The following CDK13 variants were observed in gnomAD, a reference collection of about 807,000 sequenced individuals.
The protein encoded by CDK13 is cyclin-dependent kinase 13.
A neutral mutation model predicts 137.6 loss-of-function variants in CDK13; 40 were observed. The observed-to-expected ratio is 0.29, with a 90% confidence interval of 0.23 to 0.38. The LOEUF (loss-of-function observed/expected upper bound fraction) is 0.38. Among genes scored for constraint, CDK13 ranks in the 10% least tolerant of loss-of-function variants. The pLI is 1.00. For missense variants in CDK13, 1,704 were observed against 1,951.8 expected (o/e 0.87, Z 2.39); for synonymous variants, 869 against 760.1 (o/e 1.14, Z -2.36).
intron 1 of CDK13, among the ~76,000 whole-genome samples, chr7:39,963,234 T>C (rs189345833): frequency 1.3e-3 from 194 of 152,322 alleles, no homozygotes; most frequent in African/African-American, 4.5e-3. Context: ...ATTTTCATGA[T>C]ATTGATTCTT....
chr7:40,073,079 A>G (rs1287442121), intron 9 of CDK13: 3 of 152,230 alleles, frequency 2.0e-5, no homozygotes, highest in Non-Finnish European at 2.9e-5. Flanking sequence ...ACCCAAAGGC[A>G]TCATTCTTCC....
chr7:39,953,841 CGTTA>C (rs1562694720), intron 1 of CDK13, among the ~76,000 whole-genome samples: 1 of 152,090 alleles, frequency 6.6e-6, no homozygotes, highest in African/African-American at 2.4e-5. Flanking sequence ...GTGGGAAGCA[CGTTA>C]GTTAGAGGCA....
intron 7 of CDK13, among the ~76,000 whole-genome samples, chr7:40,051,259 TTC>T (rs777086082): frequency 7.4e-5 from 11 of 148,922 alleles, no homozygotes; most frequent in Non-Finnish European, 1.3e-4. Context: ...CCTTTAAAAC[TTC>T]TCTTTTTTTT....
intron 2 of CDK13, among the ~76,000 whole-genome samples, chr7:39,995,133 G>C (rs1162090570): frequency 6.6e-6 from 1 of 152,040 alleles, no homozygotes; most frequent in East Asian, 1.9e-4. Context: ...GGGGTGTATA[G>C]AAGTGTTTTT....
rs5883719 is a variant in CDK13, at chr7:40,093,923, A to AT, written c.3689-194dup. Among the ~76,000 whole-genome samples the AT allele has an allele frequency of 1.4e-3, 188 of 130,402 alleles. 2 individuals are homozygous for AT. Among genetic ancestry groups the AT allele is most frequent in the African/African-American group, 4.5e-3 (148 of 33,188 alleles). 85.5% of individuals were successfully genotyped at this position (130,402 alleles called of 152,430 possible). A position where few individuals can be genotyped will look rare whatever the true frequency, so the allele number is the denominator to read the frequency against. ...CGTGTCACCAAAAAAAAAAAAAAAA[A>AT]TTTTTTTTTTTTTAAAGAGAAGCCA... On this transcript the variant is annotated intron_variant, in intron 13 of 13. Coordinates refer to ENST00000181839, the MANE Select transcript of CDK13 (RefSeq NM_003718.5).
At chr7:39,963,062 C>T (rs181387362) in intron 1 of CDK13, among the ~76,000 whole-genome samples, 15 of 152,290 alleles carry the variant, frequency 9.8e-5, no homozygotes, top group African/African-American at 3.6e-4. Flanking sequence ...TAGCGTGATG[C>T]CTCCAGCTTT....
intron 2 of CDK13, among the ~76,000 whole-genome samples, chr7:39,990,141 CTCT>C (rs2116278679): frequency 6.6e-6 from 1 of 152,180 alleles, no homozygotes; most frequent in South Asian, 2.1e-4. Flanking sequence ...TTTTCAAGAA[CTCT>C]TACGTATACA....
chr7:40,021,750 T>C (rs919678264), intron 5 of CDK13, among the ~76,000 whole-genome samples: 7 of 151,764 alleles, frequency 4.6e-5, no homozygotes, highest in African/African-American at 1.2e-4. Context: ...CTATGAAGGA[T>C]AGAGAAGGAA....
chr7:40,037,176 C>A (rs1223231240), intron 5 of CDK13, among the ~76,000 whole-genome samples: 1 of 152,098 alleles, frequency 6.6e-6, no homozygotes, highest in African/African-American at 2.4e-5. Context: ...AAATTCAATT[C>A]TTTGGCAGTT....
At chr7:39,988,791 T>C (rs1784394892) in intron 2 of CDK13, among the ~76,000 whole-genome samples, 2 of 151,976 alleles carry the variant, frequency 1.3e-5, no homozygotes, top group African/African-American at 4.8e-5. Flanking sequence ...TATAGAAAAC[T>C]CATAATGTGG....
chr7:40,066,951 A>G (rs1221497585), intron 9 of CDK13: 1 of 145,980 alleles, frequency 6.9e-6, no homozygotes, highest in Non-Finnish European at 1.5e-5. Context: ...CTTCTAACCC[A>G]TTTTTTTTTT....
intron 5 of CDK13, among the ~76,000 whole-genome samples, chr7:40,003,822 A>G (rs749475163): frequency 7.2e-5 from 11 of 152,160 alleles, no homozygotes; most frequent in Non-Finnish European, 1.3e-4. Context: ...TCATTCACAC[A>G]TGCACGCATG....
intron 5 of CDK13, among the ~76,000 whole-genome samples, chr7:40,039,350 C>T (rs1242284326): frequency 1.3e-5 from 2 of 151,838 alleles, no homozygotes; most frequent in East Asian, 3.9e-4. Context: ...CTCACTGCAA[C>T]CTCCGCCTCC....
intron 5 of CDK13, among the ~76,000 whole-genome samples, chr7:40,032,271 A>G (rs1785396820): frequency 6.6e-6 from 1 of 152,146 alleles, no homozygotes; most frequent in African/African-American, 2.4e-5. Context: ...GGGTTTTGCC[A>G]CGTTGCCCAG....
At chr7:40,036,968 C>A (rs1277168037) in intron 5 of CDK13, among the ~76,000 whole-genome samples, 1 of 152,124 alleles carries the variant, frequency 6.6e-6, no homozygotes, top group Non-Finnish European at 1.5e-5. Flanking sequence ...GCATGTTATT[C>A]ATATTAATTA....
Position 39,987,991 on chromosome 7 carries a change from A to G in CDK13, c.1604A>G (p.Asp535Gly). 1 of 1,614,126 alleles carries G rather than the reference A, an allele frequency of 6.2e-7. No individual in the cohort carries two copies. Among genetic ancestry groups the G allele is most frequent in the Non-Finnish European group, 8.5e-7 (1 of 1,179,988 alleles). Reference protein sequence around the residue: ...SPSSGGTLKNDKAKTKPPLQV... With the variant: ...SPSSGGTLKNGKAKTKPPLQV... ...TCAAGTGGTGGAACTTTAAAAAATGACAAAGCAAAAACAAAGCCACCTCTT... is the reference window on the plus strand; with the variant it reads ...TCAAGTGGTGGAACTTTAAAAAATGGCAAAGCAAAAACAAAGCCACCTCTT... The change falls in exon 2 of 14, where the codon GAC becomes GGC. Residue 535 changes from aspartate (D) to glycine (G), a missense_variant. By Grantham distance (94) the Asp-to-Gly change is moderately conservative. This residue lies in a region of CDK13 where 1,051 missense variants were observed against 931.0 expected (regional missense o/e 1.13). Transcript: ENST00000181839.
rs573110997 is a variant in CDK13, at chr7:40,034,627, GT to G, written c.2354-11208del. ...TACTGCTAAAAATATTCCTGTACATGTATATTTGCATACTAGTGCTGTTATT... is the reference window on the plus strand; with the variant it reads ...TACTGCTAAAAATATTCCTGTACATGATATTTGCATACTAGTGCTGTTATT... On this transcript the variant is annotated intron_variant, in intron 5 of 13. Transcript: ENST00000181839. Among the ~76,000 whole-genome samples, 741 of 152,162 alleles carry G rather than the reference GT, an allele frequency of 4.9e-3. 2 individuals carry two copies. The highest frequency in any genetic ancestry group is 9.1e-3 in the Non-Finnish European group (622 of 68,020).
At chr7:39,963,466 A>G (rs1441306417) in intron 1 of CDK13, among the ~76,000 whole-genome samples, 2 of 152,102 alleles carry the variant, frequency 1.3e-5, no homozygotes, top group East Asian at 3.9e-4. Flanking sequence ...ATTTTTGTAC[A>G]TTGATTTTGT....
At chr7:40,022,703 A>G (rs953729424) in intron 5 of CDK13, among the ~76,000 whole-genome samples, 1 of 151,192 alleles carries the variant, frequency 6.6e-6, no homozygotes, top group African/African-American at 2.4e-5. Flanking sequence ...AAAGCAGAGT[A>G]GAGGAATGTC....
Sources: gnomAD v4.1 joint callset for allele counts (sites outside exome capture counted in the v4.1 genomes callset) on GRCh38, gnomAD v4.1.1 for gene constraint, gnomAD v4.1.1 regional missense constraint, MANE v1.5 for transcripts, NCBI Gene and HGNC (gene_info 2026-07-23, HGNC 2026-07-21) for gene names.